NDUFS1: variants seen among roughly 807,000 people sequenced by gnomAD.
NDUFS1 encodes NADH:ubiquinone oxidoreductase core subunit S1.
In NDUFS1, 61 loss-of-function variants were observed where a neutral mutation model predicts 84.4. The observed-to-expected ratio is 0.72, with a 90% CI of 0.59 to 0.89. The LOEUF (loss-of-function observed/expected upper bound fraction) is 0.89, where lower values mean the gene tolerates loss of function less well. NDUFS1 is among the 40% of genes least tolerant of loss of function. The pLI is 0.00. For synonymous variants in NDUFS1, 275 were observed against 290.0 expected, an observed-to-expected ratio of 0.95 and a Z score of 0.53; for missense variants, 891 against 890.0, an observed-to-expected ratio of 1.00 and a Z score of -0.01.
At chr2:206,126,488 G>C (rs893194764) in intron 18 of NDUFS1, 51 bp downstream of exon 18, 1 of 1,511,238 alleles carries the variant, frequency 6.6e-7, no homozygotes. Context: ...GAGGTGATCT[G>C]ATTACTTCTT....
chr2:206,158,800 C>T (rs1357969273), intron 1 of NDUFS1, among the ~76,000 whole-genome samples: 1 of 152,174 alleles, frequency 6.6e-6, no homozygotes, highest in Non-Finnish European at 1.5e-5. Context: ...GCTAACTTTT[C>T]AAAAGTCGTT....
At position 206,118,115 on chromosome 2, in the gene NDUFS1, C is replaced by A. The variant is rs1690999895; in HGVS notation, c.*6070G>T. The A allele has an allele frequency of 2.0e-5, 3 of 152,078 alleles. No individual in the cohort carries two copies. The South Asian group carries it at 6.2e-4, about 31-fold the overall frequency. 9.4% of individuals were successfully genotyped at this position (152,078 alleles called of 1,614,324 possible). A position where few individuals can be genotyped will look rare whatever the true frequency, so the allele number is the denominator to read the frequency against. Reference sequence around the variant, plus strand: ...AGATATCAGATGTTTTGAGTATCAGCAATAGGTAAGTCAATCTCTAAACAT... The same window carrying A: ...AGATATCAGATGTTTTGAGTATCAGAAATAGGTAAGTCAATCTCTAAACAT... On this transcript the variant is annotated 3_prime_UTR_variant, in exon 19 of 19. Coordinates refer to ENST00000233190, the MANE Select transcript of NDUFS1 (RefSeq NM_005006.7).
intron 12 of NDUFS1, among the ~76,000 whole-genome samples, chr2:206,141,400 C>T (rs190062646): frequency 3.3e-5 from 5 of 151,502 alleles, no homozygotes; most frequent in Admixed American, 3.3e-4. Flanking sequence ...GGTGCAGGGG[C>T]GGGCGCCTGT....
At chr2:206,133,490 T>A (rs2105953449) in intron 13 of NDUFS1, among the ~76,000 whole-genome samples, 1 of 152,296 alleles carries the variant, frequency 6.6e-6, no homozygotes, top group African/African-American at 2.4e-5. Context: ...ATGCCTACTA[T>A]CTTCCATCTA....
Position 206,152,416 on chromosome 2 carries a change from T to G in NDUFS1, c.153+3A>C, listed in dbSNP as rs756579616. Reference sequence around the variant, plus strand: ...ACACAAAATAGTTAGAATGTATGCCTACTTGGAGGACGGTCGTTCCCGGTT... The same window carrying G: ...ACACAAAATAGTTAGAATGTATGCCGACTTGGAGGACGGTCGTTCCCGGTT... On this transcript the variant is annotated splice_donor_region_variant and intron_variant, in intron 3 of 18. Transcript: ENST00000233190. The G allele has an allele frequency of 6.2e-7, 1 of 1,612,614 alleles. No individual in the cohort carries two copies. Among genetic ancestry groups the G allele is most frequent in the Non-Finnish European group, 8.5e-7 (1 of 1,178,626 alleles).
chr2:206,159,120 C>G (rs1041137252), intron 1 of NDUFS1: 18 of 1,535,578 alleles, frequency 1.2e-5, no homozygotes, highest in Non-Finnish European at 1.5e-5. Context: ...TCCCGAGGAC[C>G]CCCTGATCCT....
At chr2:206,143,558 T>G (rs779284395) in intron 10 of NDUFS1, among the ~76,000 whole-genome samples, 2 of 152,066 alleles carry the variant, frequency 1.3e-5, no homozygotes, top group Non-Finnish European at 2.9e-5. Flanking sequence ...AGATTCTTCT[T>G]TAAGAATCAC....
chr2:206,129,174 C>T (rs1464400144), intron 15 of NDUFS1, among the ~76,000 whole-genome samples: 1 of 151,926 alleles, frequency 6.6e-6, no homozygotes, highest in Admixed American at 6.6e-5. Flanking sequence ...TTTGTATATG[C>T]GTATGAAGAT....
At chr2:206,132,437 C>G (rs1413606924) in intron 14 of NDUFS1, among the ~76,000 whole-genome samples, 3 of 152,030 alleles carry the variant, frequency 2.0e-5, no homozygotes, top group African/African-American at 7.3e-5. Flanking sequence ...AAAAAATTAG[C>G]TGGGCATGTG....
intron 11 of NDUFS1, 37 bp downstream of exon 11, chr2:206,142,645 AAAAG>A (rs1196860455): frequency 4.3e-6 from 7 of 1,612,426 alleles, no homozygotes; most frequent in Non-Finnish European, 4.2e-6. Flanking sequence ...TGTAACTAAA[AAAAG>A]AAAGGAAAGC....
chr2:206,138,670 C>T lies in NDUFS1; in HGVS notation c.1263-56G>A, dbSNP rs1691818899. The T allele has an allele frequency of 3.3e-6, 5 of 1,536,818 alleles. No homozygotes were observed. The South Asian group carries it at 3.4e-5, about 10-fold the overall frequency. Reference sequence around the variant, plus strand: ...ATAACTAAGCTAAGCAGTTACTGGTCTCATCAATCCTAAGTGATACATCTA... The same window carrying T: ...ATAACTAAGCTAAGCAGTTACTGGTTTCATCAATCCTAAGTGATACATCTA... On this transcript the variant is annotated intron_variant, in intron 12 of 18. Coordinates refer to ENST00000233190, the MANE Select transcript of NDUFS1 (RefSeq NM_005006.7).
At chr2:206,129,757 A>G (rs1164785666) in intron 15 of NDUFS1, among the ~76,000 whole-genome samples, 1 of 151,788 alleles carries the variant, frequency 6.6e-6, no homozygotes, top group African/African-American at 2.4e-5. Flanking sequence ...ACGCTCGGCT[A>G]ATTTTTATGT....
chr2:206,130,763 T>C (rs1283291790), intron 14 of NDUFS1, among the ~76,000 whole-genome samples: 1 of 152,268 alleles, frequency 6.6e-6, no homozygotes, highest in Non-Finnish European at 1.5e-5. Flanking sequence ...TAGGACGCTC[T>C]GTCTCTCCAT....
In NDUFS1 at chr2:206,116,358, T is replaced by A; in HGVS notation, c.*7827A>T. ...AACTCATCTTGTTTGTTCAATTTTGTCCCAACTTCAGGCAGATTACAGTAA... is the reference window on the plus strand; with the variant it reads ...AACTCATCTTGTTTGTTCAATTTTGACCCAACTTCAGGCAGATTACAGTAA... On this transcript the variant is annotated 3_prime_UTR_variant, in exon 19 of 19. Coordinates refer to ENST00000233190, the MANE Select transcript of NDUFS1 (RefSeq NM_005006.7). 1 of 854,712 alleles carries A rather than the reference T, an allele frequency of 1.2e-6. No individual in the cohort carries two copies. Among genetic ancestry groups the A allele is most frequent in the Non-Finnish European group, 2.0e-6 (1 of 492,034 alleles). 52.9% of individuals were successfully genotyped at this position (854,712 alleles called of 1,614,324 possible).
chr2:206,156,000 A>T (rs1463775403), intron 1 of NDUFS1, among the ~76,000 whole-genome samples: 4 of 151,680 alleles, frequency 2.6e-5, no homozygotes, highest in South Asian at 4.2e-4. Context: ...GGTATTAAAA[A>T]TGCCTGTAAT....
At position 206,119,697 on chromosome 2, in the gene NDUFS1, G is replaced by A. The variant is rs1338661611; in HGVS notation, c.*4488C>T. ...CCCAAAGTGCTGGGATTACAGGCTT[G>A]AGCTACTGTGCCAGGCCAAGTATAT... On this transcript the variant is annotated 3_prime_UTR_variant, in exon 19 of 19. Transcript: ENST00000233190. 1 of 152,190 alleles carries A rather than the reference G, an allele frequency of 6.6e-6. No individual in the cohort carries two copies. Among genetic ancestry groups the A allele is most frequent in the African/African-American group, 2.4e-5 (1 of 41,432 alleles). 9.4% of individuals were successfully genotyped at this position (152,190 alleles called of 1,614,324 possible). A position where few individuals can be genotyped will look rare whatever the true frequency, so the allele number is the denominator to read the frequency against.
At chr2:206,144,782 A>G in intron 9 of NDUFS1, 110 bp downstream of exon 9, 2 of 1,105,342 alleles carry the variant, frequency 1.8e-6, no homozygotes, top group Non-Finnish European at 2.6e-6. Flanking sequence ...AGATTCCAGT[A>G]GTCTATATTC....
chr2:206,132,903 A>T, intron 14 of NDUFS1, 42 bp downstream of exon 14: 16 of 1,549,726 alleles, frequency 1.0e-5, no homozygotes, highest in African/African-American at 1.4e-5. Context: ...TATACACAAC[A>T]TTACTTGAAT....
chr2:206,141,463 C>T (rs886709298), intron 12 of NDUFS1, among the ~76,000 whole-genome samples: 2 of 151,134 alleles, frequency 1.3e-5, no homozygotes, highest in Non-Finnish European at 2.9e-5. Context: ...ACCCGGGAGG[C>T]GGAGCTTGAA....
Sources: allele counts gnomAD v4.1 joint callset (sites outside exome capture counted in the v4.1 genomes callset), GRCh38; gene constraint gnomAD v4.1.1; transcripts MANE v1.5; gene names NCBI Gene and HGNC (gene_info 2026-07-23, HGNC 2026-07-21).